The following WDR44 variants were observed in gnomAD, a reference collection of about 807,000 sequenced individuals.
WDR44 encodes WD repeat-containing protein 44.
In WDR44, 9 loss-of-function variants were observed where a neutral mutation model predicts 65.7. The observed-to-expected ratio is 0.14, with a 90% confidence interval of 0.08 to 0.24. WDR44 has a LOEUF of 0.24. Among genes scored for constraint, WDR44 ranks in the 10% least tolerant of loss-of-function variants. The pLI, the probability that WDR44 is intolerant of heterozygous loss-of-function variation, is 1.00. For synonymous variants in WDR44, 220 were observed against 235.2 expected, an observed-to-expected ratio of 0.94 and a Z score of 0.59; for missense variants, 425 against 670.9, an observed-to-expected ratio of 0.63 and a Z score of 4.05.
intron 12 of WDR44, among the ~76,000 whole-genome samples, chrX:118,419,158 C>G (rs979393364): frequency 9.0e-6 from 1 of 111,619 alleles, no homozygotes; most frequent in Non-Finnish European, 1.9e-5. Flanking sequence ...CCTATGGAGT[C>G]TGCACACCGG....
rs192226090 is a variant in WDR44, at chrX:118,424,696, T to C, written c.1738-8085T>C. On this transcript the variant is annotated intron_variant, in intron 12 of 19. Coordinates refer to ENST00000254029, the MANE Select transcript of WDR44 (RefSeq NM_019045.5). ...TTTCTTTTGTTGTGCAGAAGCTTTT[T>C]AGTTTGATACAGTCCCGTTTGTCTA... Among the ~76,000 whole-genome samples the C allele has an allele frequency of 9.1e-3, 1,010 of 110,781 alleles. 21 individuals are homozygous for C. The highest frequency in any genetic ancestry group is 0.032 in the African/African-American group (968 of 30,438).
At chrX:118,362,632 C>T (rs947935552) in intron 1 of WDR44, among the ~76,000 whole-genome samples, 1 of 110,524 alleles carries the variant, frequency 9.0e-6, no homozygotes, top group Admixed American at 9.6e-5. Context: ...TAAATAGACA[C>T]GTGCAAATTT....
intron 1 of WDR44, among the ~76,000 whole-genome samples, chrX:118,375,539 G>A (rs59136713): frequency 0.051 from 5,448 of 107,800 alleles, 335 homozygotes; most frequent in African/African-American, 0.17. Flanking sequence ...AAAACAAACA[G>A]GTTTTTCATT....
At position 118,392,736 on chromosome X, in the gene WDR44, T is replaced by C. The variant is rs1377566668; in HGVS notation, c.291T>C (p.Pro97=). 3 of 1,211,919 alleles carry C rather than the reference T, an allele frequency of 2.5e-6. No individual in the cohort carries two copies. The South Asian group carries it at 5.3e-5, about 21-fold the overall frequency. Residue 97 remains proline (P), a synonymous_variant, in exon 4 of 20, where the codon CCT becomes CCC. Transcript: ENST00000254029. ...KELSDQATAS[P]IVARTDLSNI... ...TCTCTGATCAAGCTACTGCCAGTCC[T>C]ATTGTGGCTAGAACAGATCTGAGCA...
chrX:118,387,926 A>C (rs1169336193), intron 3 of WDR44, among the ~76,000 whole-genome samples: 3 of 111,801 alleles, frequency 2.7e-5, no homozygotes, highest in African/African-American at 9.8e-5. Context: ...GAAAGACAGG[A>C]TGGTGTGTTT....
rs369825700 is a variant in WDR44, at chrX:118,438,043, A to AG, written c.1974+1219_1974+1220insG. Among the ~76,000 whole-genome samples, 615 of 109,756 alleles carry AG rather than the reference A, an allele frequency of 5.6e-3. 3 individuals are homozygous for AG. The highest frequency in any genetic ancestry group is 0.019 in the African/African-American group (580 of 30,113). Reference sequence around the variant, plus strand: ...TCTGTCTCAAAATAAAAAAAAAAAAAAGAGGAAGAAGACTTGGTTAAGAAT... The same window carrying AG: ...TCTGTCTCAAAATAAAAAAAAAAAAAGAGAGGAAGAAGACTTGGTTAAGAAT... On this transcript the variant is annotated intron_variant, in intron 14 of 19. Transcript: ENST00000254029.
intron 1 of WDR44, among the ~76,000 whole-genome samples, chrX:118,366,511 C>T (rs1216526543): frequency 1.8e-5 from 2 of 111,572 alleles, no homozygotes; most frequent in African/African-American, 6.5e-5. Flanking sequence ...TTCTTCAACA[C>T]ATGAATTGCA....
chrX:118,415,073 G>C (rs897335484), intron 12 of WDR44, among the ~76,000 whole-genome samples: 2 of 111,804 alleles, frequency 1.8e-5, no homozygotes, highest in African/African-American at 6.5e-5. Context: ...ATTTTGCTGA[G>C]AGTTTTAATC....
chrX:118,353,956 A>G (rs2056436318), intron 1 of WDR44, among the ~76,000 whole-genome samples: 1 of 112,601 alleles, frequency 8.9e-6, no homozygotes, highest in Non-Finnish European at 1.9e-5. Flanking sequence ...AGGAAGTGTT[A>G]TCTTTTGTAG....
chrX:118,395,183 G>A (rs1002819305), intron 5 of WDR44, 66 bp from the exon 6 acceptor site: 3 of 942,709 alleles, frequency 3.2e-6, no homozygotes, highest in Non-Finnish European at 4.4e-6. Context: ...AATTATATGT[G>A]GTAATAATTG....
chrX:118,353,972 G>A (rs1361785457), intron 1 of WDR44, among the ~76,000 whole-genome samples: 2 of 112,254 alleles, frequency 1.8e-5, no homozygotes, highest in Non-Finnish European at 3.8e-5. Context: ...TGTAGCCCTT[G>A]AATAAACAGG....
At chrX:118,405,249 T>C (rs1479098018) in intron 9 of WDR44, among the ~76,000 whole-genome samples, 2 of 109,418 alleles carry the variant, frequency 1.8e-5, no homozygotes, top group African/African-American at 6.7e-5. Context: ...TTGGCCAGGC[T>C]GGTATTGAAC....
chrX:118,422,354 A>G (rs1366460209), intron 12 of WDR44, among the ~76,000 whole-genome samples: 6 of 111,048 alleles, frequency 5.4e-5, no homozygotes, highest in Middle Eastern at 4.7e-3. Flanking sequence ...TGTGATCACC[A>G]CTGCACTCCA....
chrX:118,404,996 G>A (rs761862798), intron 9 of WDR44, among the ~76,000 whole-genome samples: 5 of 111,494 alleles, frequency 4.5e-5, no homozygotes, highest in Non-Finnish European at 7.5e-5. Context: ...CACTGCACCC[G>A]GCCATAAATT....
rs762614836 is a variant in WDR44, at chrX:118,402,128, G to C, written c.1275-2210G>C. 1.0e-4 allele frequency among the ~76,000 whole-genome samples: 11 copies of C among 109,077 alleles called. No individual in the cohort carries two copies. The East Asian group carries it at 3.2e-3, about 31-fold the overall frequency. 94.7% of individuals were successfully genotyped at this position (109,077 alleles called of 115,157 possible). On this transcript the variant is annotated intron_variant, in intron 8 of 19. Coordinates refer to ENST00000254029, the MANE Select transcript of WDR44 (RefSeq NM_019045.5). Reference sequence around the variant, plus strand: ...GCCAGATATGAGAGTTAAGTGCTTGGGATATAACAGTTAAGACATTAAGAG... The same window carrying C: ...GCCAGATATGAGAGTTAAGTGCTTGCGATATAACAGTTAAGACATTAAGAG...
At chrX:118,406,160 C>T (rs982008091) in intron 9 of WDR44, among the ~76,000 whole-genome samples, 9 of 111,648 alleles carry the variant, frequency 8.1e-5, no homozygotes, top group African/African-American at 2.9e-4. Flanking sequence ...AAAGGATGTG[C>T]ATAGGTTATA....
chrX:118,364,818 C>G lies in WDR44; in HGVS notation c.78-13601C>G, dbSNP rs186759011. ...TCAGGGAAGCAGCTCATGGCTTTTT[C>G]TAAACTCAGGTTGTTACTGAGATTG... On this transcript the variant is annotated intron_variant, in intron 1 of 19. Transcript: ENST00000254029. Among the ~76,000 whole-genome samples, 197 of 112,321 alleles carry G rather than the reference C, an allele frequency of 1.8e-3. 1 individual carries two copies. Among genetic ancestry groups the G allele is most frequent in the Middle Eastern group, 4.6e-3 (1 of 218 alleles).
At chrX:118,354,119 G>A (rs1602852771) in intron 1 of WDR44, among the ~76,000 whole-genome samples, 1 of 110,741 alleles carries the variant, frequency 9.0e-6, no homozygotes, top group East Asian at 2.8e-4. Context: ...ACCTGTTTTG[G>A]TCAAAACAAG....
At chrX:118,443,833 A>G in intron 18 of WDR44, 146 bp downstream of exon 18, 1 of 485,156 alleles carries the variant, frequency 2.1e-6, no homozygotes, top group South Asian at 6.0e-5. Context: ...TCACGAGGTC[A>G]GGAGATCGAG....
Sources: allele counts gnomAD v4.1 joint callset (sites outside exome capture counted in the v4.1 genomes callset), GRCh38; gene constraint gnomAD v4.1.1; transcripts MANE v1.5; gene names NCBI Gene and HGNC (gene_info 2026-07-23, HGNC 2026-07-21).